PLPPR1: variants seen among roughly 807,000 people sequenced by gnomAD.
PLPPR1 encodes the protein phospholipid phosphatase related 1, also known as phospholipid phosphatase-related protein type 1.
A neutral mutation model predicts 33.1 loss-of-function variants in PLPPR1; 10 were observed. The ratio of observed to expected loss-of-function variants is 0.30; its 90% CI spans 0.19 to 0.51. The LOEUF (loss-of-function observed/expected upper bound fraction) is 0.51. PLPPR1 is among the 20% of genes least tolerant of loss of function. PLPPR1 has a pLI of 0.97. For synonymous variants in PLPPR1, 151 were observed against 151.0 expected, an observed-to-expected ratio of 1.00 and a Z score of 0.00; for missense variants, 304 against 408.1, an observed-to-expected ratio of 0.74 and a Z score of 2.20.
At chr9:101,123,247 GAACTATAAGTTAGT>G (rs369676058) in intron 1 of PLPPR1, among the ~76,000 whole-genome samples, 111,509 of 151,708 alleles carry the variant, frequency 0.74, 41,305 homozygotes, top group African/African-American at 0.78. Flanking sequence ...CTAACTTATA[GAACTATAAGTTAGT>G]GTCTTGAAGA....
At chr9:101,149,823 A>G (rs1247656997) in intron 1 of PLPPR1, among the ~76,000 whole-genome samples, 1 of 152,060 alleles carries the variant, frequency 6.6e-6, no homozygotes, top group Non-Finnish European at 1.5e-5. Flanking sequence ...TTTTATCTTC[A>G]GTTTCAAATC....
intron 1 of PLPPR1, among the ~76,000 whole-genome samples, chr9:101,155,772 G>A (rs1294848838): frequency 1.3e-5 from 2 of 151,886 alleles, no homozygotes; most frequent in Middle Eastern, 3.2e-3. Context: ...GCTAATTTTT[G>A]TATTTTTAGT....
chr9:101,048,485 T>G (rs1830180203), intron 1 of PLPPR1, among the ~76,000 whole-genome samples: 1 of 152,186 alleles, frequency 6.6e-6, no homozygotes, highest in African/African-American at 2.4e-5. Context: ...TCCTACAAGA[T>G]ATCAGAGAAG....
intron 1 of PLPPR1, among the ~76,000 whole-genome samples, chr9:101,174,828 G>A (rs999736944): frequency 6.6e-6 from 1 of 152,114 alleles, no homozygotes; most frequent in Non-Finnish European, 1.5e-5. Context: ...TTACCTCCTA[G>A]AAATGAAGAG....
Position 101,088,451 on chromosome 9 carries a change from C to T in PLPPR1, c.-46+59349C>T, listed in dbSNP as rs549846550. The stretch of plus-strand genomic sequence containing the variant: ...ATTTATTTGCTTATGAAACGACTGT[C>T]TCCTCTCTATTTATAGAAGTCAGAT... On this transcript the variant is annotated intron_variant, in intron 1 of 7. Transcript: ENST00000374874. 1.2e-4 allele frequency among the ~76,000 whole-genome samples: 18 copies of T among 152,198 alleles called. No homozygotes were observed. In the East Asian group the frequency reaches 2.7e-3, roughly 23 times the overall value.
chr9:101,282,556 C>A (rs149739635), intron 3 of PLPPR1, among the ~76,000 whole-genome samples: 2 of 152,220 alleles, frequency 1.3e-5, no homozygotes, highest in East Asian at 3.9e-4. Flanking sequence ...AAAGTCCTAG[C>A]CAGAGCAATT....
rs574226367 is a variant in PLPPR1, at chr9:101,280,738, C to A, written c.253-5366C>A. Among the ~76,000 whole-genome samples the A allele has an allele frequency of 3.4e-4, 51 of 152,136 alleles. 1 individual carries two copies. The South Asian group carries it at 8.7e-3, about 26-fold the overall frequency. ...TTCAGCATCCTTTCATAATTAAAAA[C>A]CCTCATAAAACGGAGTATAGAAGGA... On this transcript the variant is annotated intron_variant, in intron 3 of 7. Coordinates refer to ENST00000374874, the MANE Select transcript of PLPPR1 (RefSeq NM_207299.2).
intron 2 of PLPPR1, among the ~76,000 whole-genome samples, chr9:101,227,658 A>G (rs895968801): frequency 7.2e-5 from 11 of 152,164 alleles, no homozygotes; most frequent in Admixed American, 1.3e-4. Flanking sequence ...GGCTATACAT[A>G]ATTTCATTTT....
At chr9:101,084,976 G>C (rs1830660436) in intron 1 of PLPPR1, among the ~76,000 whole-genome samples, 1 of 152,146 alleles carries the variant, frequency 6.6e-6, no homozygotes, top group South Asian at 2.1e-4. Context: ...GTTAGGCCTG[G>C]TCATTATTTT....
intron 4 of PLPPR1, among the ~76,000 whole-genome samples, chr9:101,293,344 A>T (rs907931585): frequency 1.3e-5 from 2 of 151,956 alleles, no homozygotes; most frequent in Non-Finnish European, 2.9e-5. Context: ...ACTCCCACAC[A>T]ATAATAATGG....
intron 1 of PLPPR1, among the ~76,000 whole-genome samples, chr9:101,087,661 C>T (rs148178794): frequency 3.4e-4 from 52 of 152,188 alleles, no homozygotes; most frequent in African/African-American, 1.2e-3. Flanking sequence ...GAACAGGAAA[C>T]CACATTTACA....
rs578109153 is a variant in PLPPR1 at position 101,248,816 on chromosome 9, A to C, written c.64-21064A>C. Among the ~76,000 whole-genome samples, 7 of 152,188 alleles carry C rather than the reference A, an allele frequency of 4.6e-5. No individual in the cohort carries two copies. In the East Asian group the frequency reaches 1.2e-3, roughly 25 times the overall value. On this transcript the variant is annotated intron_variant, in intron 2 of 7. Transcript: ENST00000374874. ...TCCAAGTGAAACTTTAAATTACTCC[A>C]AGCTCTGAGCTTAAGTGGTTGACCA...
chr9:101,237,981 A>AT (rs1422626388), intron 2 of PLPPR1, among the ~76,000 whole-genome samples: 1 of 116,860 alleles, frequency 8.6e-6, no homozygotes, highest in Non-Finnish European at 1.8e-5. Flanking sequence ...TATATAGCCT[A>AT]TATATATATA....
In PLPPR1 at chr9:101,283,525, T is replaced by C. The variant is rs141664843; in HGVS notation, c.253-2579T>C. ...AAAAATCAACTCAAAATGGATTAAATACTTAATTGTAATACCTAAAGCAAT... is the reference window on the plus strand; with the variant it reads ...AAAAATCAACTCAAAATGGATTAAACACTTAATTGTAATACCTAAAGCAAT... On this transcript the variant is annotated intron_variant, in intron 3 of 7. Coordinates refer to ENST00000374874, the MANE Select transcript of PLPPR1 (RefSeq NM_207299.2). Among the ~76,000 whole-genome samples the C allele has an allele frequency of 4.1e-3, 630 of 152,276 alleles. 4 individuals are homozygous for C. Among genetic ancestry groups the C allele is most frequent in the African/African-American group, 0.015 (617 of 41,566 alleles).
chr9:101,098,799 CT>C (rs1830855252), intron 1 of PLPPR1, among the ~76,000 whole-genome samples: 1 of 152,154 alleles, frequency 6.6e-6, no homozygotes, highest in Non-Finnish European at 1.5e-5. Context: ...CCACTGGGTA[CT>C]TTTGTGGTCT....
intron 1 of PLPPR1, among the ~76,000 whole-genome samples, chr9:101,090,378 A>C (rs1307684956): frequency 1.3e-5 from 2 of 152,184 alleles, no homozygotes; most frequent in African/African-American, 4.8e-5. Flanking sequence ...TTTCACCAGG[A>C]CTGCATAAAA....
intron 5 of PLPPR1, among the ~76,000 whole-genome samples, chr9:101,311,827 G>A (rs1828961857): frequency 6.6e-6 from 1 of 152,142 alleles, no homozygotes; most frequent in South Asian, 2.1e-4. Flanking sequence ...GAATTGCTAA[G>A]CTCACATAGC....
At position 101,258,447 on chromosome 9, in the gene PLPPR1, A is replaced by G. The variant is rs190131841; in HGVS notation, c.64-11433A>G. ...GCTTGGCACATGATTGGTGTGTAGC[A>G]GGAGTTTGCTGACTTCTATTGTTTT... On this transcript the variant is annotated intron_variant, in intron 2 of 7. Transcript: ENST00000374874. 3.3e-3 allele frequency among the ~76,000 whole-genome samples: 505 copies of G among 152,280 alleles called. 14 individuals are homozygous for G. Among genetic ancestry groups the G allele is most frequent in the Admixed American group, 0.031 (471 of 15,298 alleles).
At chr9:101,123,147 A>G (rs571115334) in intron 1 of PLPPR1, among the ~76,000 whole-genome samples, 9 of 152,074 alleles carry the variant, frequency 5.9e-5, no homozygotes, top group East Asian at 1.9e-4. Flanking sequence ...ATACTGTTCT[A>G]TGCTCTCAAA....
Sources: allele counts gnomAD v4.1 joint callset (sites outside exome capture counted in the v4.1 genomes callset), GRCh38; gene constraint gnomAD v4.1.1; transcripts MANE v1.5; gene names NCBI Gene and HGNC (gene_info 2026-07-23, HGNC 2026-07-21).